NOSTRIN: variants seen among roughly 807,000 people sequenced by gnomAD.
NOSTRIN encodes BM247 homolog.
NOSTRIN carries 63 observed loss-of-function variants against 59.0 expected under a neutral mutation model. That is an observed-to-expected ratio of 1.07 (90% CI 0.87 to 1.32). The LOEUF (loss-of-function observed/expected upper bound fraction) is 1.32. Among genes scored for constraint, NOSTRIN ranks in the 40% most tolerant of loss-of-function variants. NOSTRIN has a pLI of 0.00. For missense variants in NOSTRIN, 512 were observed against 473.1 expected, an observed-to-expected ratio of 1.08 and a Z score of -0.76; for synonymous variants, 200 against 165.4, an observed-to-expected ratio of 1.21 and a Z score of -1.61.
intron 10 of NOSTRIN, among the ~76,000 whole-genome samples, chr2:168,853,335 C>A (rs1688883398): frequency 6.6e-6 from 1 of 152,168 alleles, no homozygotes; most frequent in African/African-American, 2.4e-5. Flanking sequence ...ACAAAGAGAC[C>A]AATCTGAGTG....
At chr2:168,801,203 G>A (rs1361703794), upstream of NOSTRIN, 4 of 151,460 alleles carry the variant, frequency 2.6e-5, no homozygotes, top group African/African-American at 7.3e-5. Flanking sequence ...CTTGTTGCAA[G>A]GCAAGTTCTT....
intron 13 of NOSTRIN, 23 bp from the exon 14 acceptor site, chr2:168,860,772 G>A (rs1351449405): frequency 1.4e-6 from 2 of 1,385,662 alleles, no homozygotes; most frequent in Admixed American, 1.7e-5. Flanking sequence ...TACAAAATAT[G>A]ACTTTTTATG....
rs767102256 is a variant in NOSTRIN at position 168,864,854 on chromosome 2, G to A, written c.1405G>A (p.Glu469Lys). The change falls in exon 16 of 16, where the codon GAG becomes AAG. Residue 469 changes from glutamate to lysine, a missense_variant. By Grantham distance (56) the Glu-to-Lys change is moderately conservative. Transcript: ENST00000317647. ...CACAGGTGACATTGTGATTATACAC[G>A]AGAAAAAAGAAGGAGGATGGTGGTT... Reference protein sequence around the residue: ...LEKGDIVIIHEKKEGGWWFGS... With the variant: ...LEKGDIVIIHKKKEGGWWFGS... 4.3e-6 allele frequency: 7 copies of A among 1,613,846 alleles called. No homozygotes were observed. In the Admixed American group the frequency reaches 5.0e-5, roughly 12 times the overall value.
At position 168,808,235 on chromosome 2, in the gene NOSTRIN, C is replaced by T. The variant is rs182273198; in HGVS notation, c.28-3332C>T. Among the ~76,000 whole-genome samples the T allele has an allele frequency of 2.6e-3, 402 of 152,262 alleles. 3 individuals carry two copies. The highest frequency in any genetic ancestry group is 8.4e-3 in the African/African-American group (349 of 41,552). ...GTTTTCTCTACATGCCCCCATTCCA[C>T]GCTTGATGTCCAGGGTCCCTTGTTC... On this transcript the variant is annotated intron_variant, in intron 1 of 15. Coordinates refer to ENST00000317647, the MANE Select transcript of NOSTRIN (RefSeq NM_001039724.4).
At chr2:168,838,808 A>G (rs1183511906) in intron 7 of NOSTRIN, among the ~76,000 whole-genome samples, 1 of 136,672 alleles carries the variant, frequency 7.3e-6, no homozygotes, top group Non-Finnish European at 1.5e-5. Flanking sequence ...TTTTTTTGAG[A>G]CGGAGTTTTG....
At chr2:168,856,938 G>T (rs142308715) in intron 12 of NOSTRIN, among the ~76,000 whole-genome samples, 160 bp downstream of exon 12, 41 of 152,316 alleles carry the variant, frequency 2.7e-4, no homozygotes, top group African/African-American at 9.9e-4. Context: ...AGTCATTTGA[G>T]GGATCTGGAA....
chr2:168,864,879 T>C lies in NOSTRIN; in HGVS notation c.1430T>C (p.Phe477Ser), dbSNP rs1445718655. 6.2e-7 allele frequency: 1 copy of C among 1,613,924 alleles called. No homozygotes were observed. Among genetic ancestry groups the C allele is most frequent in the African/African-American group, 1.3e-5 (1 of 74,904 alleles). Reference sequence around the variant, plus strand: ...GAGAAAAAAGAAGGAGGATGGTGGTTTGGATCTTTGAATGGGAAAAAAGGC... The same window carrying C: ...GAGAAAAAAGAAGGAGGATGGTGGTCTGGATCTTTGAATGGGAAAAAAGGC... ...IHEKKEGGWW[F>S]GSLNGKKGHF... Residue 477 changes from phenylalanine (F) to serine (S), a missense_variant, in exon 16 of 16, where the codon TTT becomes TCT. Transcript: ENST00000317647.
At chr2:168,821,927 A>G (rs1686764769) in intron 2 of NOSTRIN, among the ~76,000 whole-genome samples, 1 of 152,214 alleles carries the variant, frequency 6.6e-6, no homozygotes, top group Non-Finnish European at 1.5e-5. Flanking sequence ...AACCCCTAGT[A>G]GACTTGGGCT....
chr2:168,842,914 A>G (rs1041351744), intron 7 of NOSTRIN, 78 bp from the exon 8 acceptor site: 4 of 815,568 alleles, frequency 4.9e-6, no homozygotes, highest in Non-Finnish European at 8.5e-6. Flanking sequence ...ATTGAGCCAC[A>G]TATAATTATT....
chr2:168,804,980 A>G (rs1306953981), intron 1 of NOSTRIN, among the ~76,000 whole-genome samples: 1 of 152,234 alleles, frequency 6.6e-6, no homozygotes, highest in African/African-American at 2.4e-5. Flanking sequence ...GTAATACTTA[A>G]GATATGTAAT....
chr2:168,794,720 C>T (rs913291360), upstream of NOSTRIN, among the ~76,000 whole-genome samples: 4 of 151,944 alleles, frequency 2.6e-5, no homozygotes, highest in Non-Finnish European at 5.9e-5. Flanking sequence ...GACAGGGTGC[C>T]CTCAGTCTCA....
At chr2:168,826,450 C>G (rs558737136) in intron 3 of NOSTRIN, among the ~76,000 whole-genome samples, 1 of 152,198 alleles carries the variant, frequency 6.6e-6, no homozygotes, top group African/African-American at 2.4e-5. Flanking sequence ...TTTCTCTTCC[C>G]TCCCTTCCTC....
chr2:168,816,729 A>C (rs115310536), intron 2 of NOSTRIN, among the ~76,000 whole-genome samples: 1 of 152,260 alleles, frequency 6.6e-6, no homozygotes, highest in Non-Finnish European at 1.5e-5. Flanking sequence ...CCTGCACTGT[A>C]ATTCTCTGTT....
intron 1 of NOSTRIN, among the ~76,000 whole-genome samples, 191 bp downstream of exon 1, chr2:168,802,864 C>CA (rs1685666210): frequency 6.6e-6 from 1 of 152,154 alleles, no homozygotes; most frequent in East Asian, 1.9e-4. Context: ...TAGGAAATGA[C>CA]AGGGCAGGTA....
chr2:168,829,382 G>A (rs752831079), intron 5 of NOSTRIN, among the ~76,000 whole-genome samples: 16 of 150,776 alleles, frequency 1.1e-4, no homozygotes, highest in Non-Finnish European at 1.5e-4. Context: ...GTGCAATGGC[G>A]TCATCTTGGC....
At chr2:168,856,050 G>A in intron 11 of NOSTRIN, 1 of 275,910 alleles carries the variant, frequency 3.6e-6, no homozygotes, top group Non-Finnish European at 7.2e-6. Context: ...AAAACATTTA[G>A]TGATGTGAAT....
chr2:168,818,959 A>G (rs1686569977), intron 2 of NOSTRIN, among the ~76,000 whole-genome samples: 1 of 152,172 alleles, frequency 6.6e-6, no homozygotes, highest in African/African-American at 2.4e-5. Flanking sequence ...CAAAATATAT[A>G]TGCATCACCA....
Position 168,843,003 on chromosome 2 carries a change from A to G in NOSTRIN, c.516A>G (p.Lys172=), listed in dbSNP as rs765527089. The change falls in exon 8 of 16, where the codon AAA becomes AAG. Residue 172 remains lysine, a synonymous_variant. Coordinates refer to ENST00000317647, the MANE Select transcript of NOSTRIN (RefSeq NM_001039724.4). Reference sequence around the variant, plus strand: ...ATGTTTTACATTAGCTCCTCAATAAACTGACAAAATCAACTGAAAAGTTGG... The same window carrying G: ...ATGTTTTACATTAGCTCCTCAATAAGCTGACAAAATCAACTGAAAAGTTGG... ...TEKEKRKLLN[K]LTKSTEKLEK... 3 of 872,566 alleles carry G rather than the reference A, an allele frequency of 3.4e-6. No individual in the cohort carries two copies. Among genetic ancestry groups the G allele is most frequent in the Non-Finnish European group, 4.0e-6 (2 of 501,528 alleles). 54.1% of individuals were successfully genotyped at this position (872,566 alleles called of 1,614,324 possible). A position where few individuals can be genotyped will look rare whatever the true frequency, so the allele number is the denominator to read the frequency against.
At chr2:168,864,779 G>C in intron 15 of NOSTRIN, 55 bp from the exon 16 acceptor site, 1 of 1,599,518 alleles carries the variant, frequency 6.3e-7, no homozygotes, top group African/African-American at 1.3e-5. Flanking sequence ...TATCAATCGG[G>C]CTGAGGCATG....
Sources: gnomAD v4.1 joint callset for allele counts (sites outside exome capture counted in the v4.1 genomes callset) on GRCh38, gnomAD v4.1.1 for gene constraint, MANE v1.5 for transcripts, NCBI Gene and HGNC (gene_info 2026-07-23, HGNC 2026-07-21) for gene names.